BRF1: variants seen among roughly 807,000 people sequenced by gnomAD.
BRF1 encodes transcription factor IIIB 90 kDa subunit.
In BRF1, 59 loss-of-function variants were observed where a neutral mutation model predicts 81.7. That is an observed-to-expected ratio of 0.72 (90% confidence interval 0.59 to 0.90). The LOEUF is 0.90. Among genes scored for constraint, BRF1 ranks in the 40% least tolerant of loss-of-function variants. The pLI is 0.00. For synonymous variants in BRF1, 491 were observed against 395.6 expected, an observed-to-expected ratio of 1.24 and a Z score of -2.86; for missense variants, 1,050 against 936.3, an observed-to-expected ratio of 1.12 and a Z score of -1.58.
At chr14:105,249,383 C>G (rs1201877551) in intron 5 of BRF1, 5 of 1,612,382 alleles carry the variant, frequency 3.1e-6, no homozygotes, top group Non-Finnish European at 4.2e-6. Flanking sequence ...TCGGCAGCTC[C>G]GTCTTCTATG....
At chr14:105,301,966 G>C (rs936747935), upstream of BRF1, among the ~76,000 whole-genome samples, 2 of 152,030 alleles carry the variant, frequency 1.3e-5, no homozygotes, top group Non-Finnish European at 2.9e-5. Context: ...GCGAAACCCC[G>C]TCTCCACTAA....
At chr14:105,227,129 A>T (rs149469381) in intron 7 of BRF1, 1 of 244,506 alleles carries the variant, frequency 4.1e-6, no homozygotes, top group Non-Finnish European at 7.9e-6. Context: ...AAATACATAA[A>T]AAATAAAAGG....
At chr14:105,229,452 G>T (rs1045946689) in intron 6 of BRF1, among the ~76,000 whole-genome samples, 1 of 152,216 alleles carries the variant, frequency 6.6e-6, no homozygotes, top group South Asian at 2.1e-4. Flanking sequence ...GGACTCTGTG[G>T]GCACGAGGGT....
intron 5 of BRF1, among the ~76,000 whole-genome samples, chr14:105,245,310 G>A (rs1395625295): frequency 6.6e-6 from 1 of 152,086 alleles, no homozygotes; most frequent in Non-Finnish European, 1.5e-5. Context: ...GCAGTGAGCT[G>A]AGATCGTGCC....
upstream of BRF1, among the ~76,000 whole-genome samples, chr14:105,304,311 G>A (rs2058116424): frequency 2.0e-5 from 3 of 152,144 alleles, no homozygotes; most frequent in South Asian, 6.2e-4. Context: ...CCAACATGGT[G>A]AAACCCATCT....
Position 105,253,838 on chromosome 14 carries a change from G to A in BRF1, c.472-1259C>T, listed in dbSNP as rs587735685. Among the ~76,000 whole-genome samples, 32 of 152,334 alleles carry A rather than the reference G, an allele frequency of 2.1e-4. No individual in the cohort carries two copies. The South Asian group carries it at 6.0e-3, about 29-fold the overall frequency. On this transcript the variant is annotated intron_variant, in intron 4 of 17. Coordinates refer to ENST00000547530, the MANE Select transcript of BRF1 (RefSeq NM_001519.4). ...AATTTCCCCTCCTCACAGTTTCTGG[G>A]GGTTCCAGGGATCCCTGGGGTCTGC...
intron 2 of BRF1, among the ~76,000 whole-genome samples, chr14:105,274,724 G>T (rs1433575211): frequency 6.6e-6 from 1 of 152,230 alleles, no homozygotes; most frequent in African/African-American, 2.4e-5. Context: ...TCTGTCTGCA[G>T]AGCACAGGCT....
intron 4 of BRF1, among the ~76,000 whole-genome samples, chr14:105,254,514 C>T (rs998770593): frequency 6.6e-6 from 1 of 152,048 alleles, no homozygotes; most frequent in Admixed American, 6.5e-5. Context: ...GCCTCGGCCT[C>T]CCAAAGTGCT....
rs587599512 is a variant in BRF1, at chr14:105,211,224, C to G, written c.1894G>C (p.Gly632Arg). Residue 632 changes from glycine (G) to arginine (R), a missense_variant, in exon 17 of 18, where the codon GGG becomes CGG. Coordinates refer to ENST00000547530, the MANE Select transcript of BRF1 (RefSeq NM_001519.4). ...TCGTCGGCGTGGTATGACACGGGCCCGCTCTCCACCAGCACCGCCTGGGGC... is the reference window on the plus strand; with the variant it reads ...TCGTCGGCGTGGTATGACACGGGCCGGCTCTCCACCAGCACCGCCTGGGGC... Reference protein sequence around the residue: ...ARPQAVLVESGPVSYHADEEA... With the variant: ...ARPQAVLVESRPVSYHADEEA... The G allele has an allele frequency of 1.2e-6, 2 of 1,611,148 alleles. No individual in the cohort carries two copies. Among genetic ancestry groups the G allele is most frequent in the South Asian group, 1.1e-5 (1 of 91,018 alleles).
At chr14:105,294,822 A>T (rs2057667498) in intron 1 of BRF1, among the ~76,000 whole-genome samples, 1 of 152,210 alleles carries the variant, frequency 6.6e-6, no homozygotes, top group Non-Finnish European at 1.5e-5. Context: ...CTCTGGGCAA[A>T]TTCAACAACT....
intron 1 of BRF1, among the ~76,000 whole-genome samples, chr14:105,311,501 C>G (rs186534479): frequency 7.2e-4 from 109 of 152,264 alleles, no homozygotes; most frequent in Middle Eastern, 3.4e-3. Context: ...GGGATCTGTG[C>G]GCTTTGGCCT....
intron 1 of BRF1, among the ~76,000 whole-genome samples, chr14:105,314,007 G>C (rs919782158): frequency 6.6e-6 from 1 of 152,276 alleles, no homozygotes; most frequent in African/African-American, 2.4e-5. Flanking sequence ...GCACAACGCT[G>C]AAAAGCGGCG....
Position 105,217,704 on chromosome 14 carries a change from T to G in BRF1, c.1612A>C (p.Ile538Leu). The G allele has an allele frequency of 6.2e-7, 1 of 1,613,412 alleles. No individual in the cohort carries two copies. The highest frequency in any genetic ancestry group is 8.5e-7 in the Non-Finnish European group (1 of 1,180,018). ...MLEQKKISSK[I>L]NYSVLRGLSS... is the part of the protein sequence containing the mutation. Reference sequence around the variant, plus strand: ...AGGCCCCGGAGCACGCTATAATTGATCTTGCTGGAGATCTTCTTCTGCTCC... The same window carrying G: ...AGGCCCCGGAGCACGCTATAATTGAGCTTGCTGGAGATCTTCTTCTGCTCC... Residue 538 changes from isoleucine to leucine, a missense_variant, in exon 15 of 18, where the codon ATC becomes CTC. Physicochemically the swap from Ile to Leu is conservative, Grantham distance 5. Transcript: ENST00000547530.
intron 3 of BRF1, among the ~76,000 whole-genome samples, chr14:105,268,718 G>C (rs371976373): frequency 5.3e-5 from 8 of 152,276 alleles, no homozygotes; most frequent in African/African-American, 1.4e-4. Flanking sequence ...CCTGGGGTGG[G>C]GGCCATGCAC....
At chr14:105,217,356 CAAG>C (rs1188862318) in intron 15 of BRF1, 185 bp downstream of exon 15, 2 of 902,898 alleles carry the variant, frequency 2.2e-6, no homozygotes, top group Non-Finnish European at 3.3e-6. Flanking sequence ...CCTGCCAGGC[CAAG>C]GAGAGTTGAG....
chr14:105,244,642 G>A (rs2054955612), intron 5 of BRF1, among the ~76,000 whole-genome samples: 1 of 152,000 alleles, frequency 6.6e-6, no homozygotes, highest in African/African-American at 2.4e-5. Flanking sequence ...CACAGCGACA[G>A]AGGAAGAATT....
intron 15 of BRF1, among the ~76,000 whole-genome samples, chr14:105,214,765 G>A (rs1213495741): frequency 6.6e-6 from 1 of 152,210 alleles, no homozygotes; most frequent in African/African-American, 2.4e-5. Context: ...GAACGCTGTG[G>A]TCGCTGGGCT....
At chr14:105,289,189 A>G (rs587629642) in intron 1 of BRF1, among the ~76,000 whole-genome samples, 1 of 152,164 alleles carries the variant, frequency 6.6e-6, no homozygotes, top group East Asian at 1.9e-4. Flanking sequence ...TCTACAAAAA[A>G]AAAATGAGCG....
chr14:105,304,083 G>A (rs1336181512), upstream of BRF1, among the ~76,000 whole-genome samples: 1 of 152,206 alleles, frequency 6.6e-6, no homozygotes, highest in Non-Finnish European at 1.5e-5. Flanking sequence ...TGCCTCCCAG[G>A]CCACAGCGGT....
Sources: gnomAD v4.1 joint callset for allele counts (sites outside exome capture counted in the v4.1 genomes callset) on GRCh38, gnomAD v4.1.1 for gene constraint, MANE v1.5 for transcripts, NCBI Gene and HGNC (gene_info 2026-07-23, HGNC 2026-07-21) for gene names.